Variants in SBF2 observed in about 807,000 individuals in gnomAD.
SBF2 encodes the protein myotubularin-related protein 13.
A neutral mutation model predicts 225.2 loss-of-function variants in SBF2; 112 were observed. The observed-to-expected ratio is 0.50, with a 90% CI of 0.43 to 0.58. The LOEUF (loss-of-function observed/expected upper bound fraction) is 0.58, where lower values mean the gene tolerates loss of function less well. Among genes scored for constraint, SBF2 ranks in the 20% least tolerant of loss-of-function variants. The probability of loss-of-function intolerance (pLI) is 0.00; values close to 1 mark genes in which losing one functional copy is unlikely to be tolerated. For missense variants in SBF2, 1,996 were observed against 2,206.2 expected, an observed-to-expected ratio of 0.90 and a Z score of 1.91; for synonymous variants, 763 against 773.3, an observed-to-expected ratio of 0.99 and a Z score of 0.22.
intron 3 of SBF2, among the ~76,000 whole-genome samples, chr11:10,037,022 T>C (rs768882286): frequency 1.7e-4 from 26 of 152,218 alleles, no homozygotes; most frequent in Non-Finnish European, 2.8e-4. Context: ...TAAAGTCTTA[T>C]ATCATTTTAA....
chr11:10,273,140 T>G (rs796623586), intron 1 of SBF2, among the ~76,000 whole-genome samples: 1 of 152,146 alleles, frequency 6.6e-6, no homozygotes, highest in Admixed American at 6.5e-5. Context: ...TTTTGTAACA[T>G]GTAAATAGAA....
chr11:9,932,956 G>GAA (rs1590510467), intron 16 of SBF2, among the ~76,000 whole-genome samples: 1 of 5,376 alleles, frequency 1.9e-4, no homozygotes, highest in East Asian at 8.9e-3. Flanking sequence ...CAAACGAAAA[G>GAA]CAAAAAAAAA....
Position 10,239,332 on chromosome 11 carries a change from T to C in SBF2, c.56-45345A>G, listed in dbSNP as rs921944571. ...CTAAAACCAATAAGACTAAGATAAA[T>C]AGAAAATTGCCATATACTTGGAAAT... is the stretch of plus-strand genomic sequence containing the variant. On this transcript the variant is annotated intron_variant, in intron 1 of 39. Transcript: ENST00000256190. Among the ~76,000 whole-genome samples the C allele has an allele frequency of 2.7e-5, 4 of 150,626 alleles. 1 individual carries two copies. Among genetic ancestry groups the C allele is most frequent in the Non-Finnish European group, 5.9e-5 (4 of 67,400 alleles).
intron 3 of SBF2, 91 bp from the exon 4 acceptor site, chr11:10,031,261 T>C (rs914419394): frequency 8.3e-6 from 10 of 1,210,364 alleles, no homozygotes; most frequent in East Asian, 4.8e-5. Context: ...ATATAACTTA[T>C]GCAAATTCAA....
intron 21 of SBF2, among the ~76,000 whole-genome samples, chr11:9,850,829 T>C (rs1382571051): frequency 2.0e-5 from 3 of 152,160 alleles, no homozygotes; most frequent in Non-Finnish European, 4.4e-5. Context: ...GATCTATATG[T>C]GTTAACATGG....
intron 36 of SBF2, among the ~76,000 whole-genome samples, chr11:9,786,525 A>G (rs1208269050): frequency 1.3e-5 from 2 of 152,130 alleles, no homozygotes; most frequent in Non-Finnish European, 2.9e-5. Flanking sequence ...TTCTTTTTTT[A>G]CCACAAAGGT....
intron 1 of SBF2, among the ~76,000 whole-genome samples, chr11:10,285,574 C>T (rs1336600648): frequency 6.6e-6 from 1 of 152,116 alleles, no homozygotes; most frequent in Non-Finnish European, 1.5e-5. Flanking sequence ...ATAGGGTGTA[C>T]ACCAAGTAAA....
intron 1 of SBF2, among the ~76,000 whole-genome samples, chr11:10,196,457 G>A (rs529860357): frequency 3.3e-5 from 5 of 152,022 alleles, no homozygotes; most frequent in East Asian, 1.9e-4. Flanking sequence ...ATCGCTCACC[G>A]CAGCCTTGAC....
At chr11:9,961,289 C>T (rs1211601230) in intron 16 of SBF2, 2 of 152,158 alleles carry the variant, frequency 1.3e-5, no homozygotes, top group Non-Finnish European at 1.5e-5. Context: ...TGGAGTCCCA[C>T]GGATGATCTT....
At chr11:10,242,910 A>C (rs1030104847) in intron 1 of SBF2, among the ~76,000 whole-genome samples, 11 of 152,232 alleles carry the variant, frequency 7.2e-5, no homozygotes, top group African/African-American at 2.4e-4. Flanking sequence ...ACCACTTAAA[A>C]TAATGAACAA....
intron 16 of SBF2, among the ~76,000 whole-genome samples, chr11:9,908,367 T>C (rs367731921): frequency 7.9e-4 from 121 of 152,324 alleles, no homozygotes; most frequent in Non-Finnish European, 1.5e-3. Flanking sequence ...GGCTCACGCC[T>C]GTAATCCCAG....
At chr11:10,000,867 T>C (rs755727183) in intron 8 of SBF2, 47 bp downstream of exon 8, 2 of 984,478 alleles carry the variant, frequency 2.0e-6, no homozygotes, top group Non-Finnish European at 3.3e-6. Flanking sequence ...AGAAATATGA[T>C]AAACTTCTGG....
At chr11:9,935,621 G>A (rs2134275352) in intron 16 of SBF2, among the ~76,000 whole-genome samples, 1 of 152,208 alleles carries the variant, frequency 6.6e-6, no homozygotes, top group East Asian at 1.9e-4. Context: ...ATAGACCAAT[G>A]GAACAGAACA....
intron 36 of SBF2, among the ~76,000 whole-genome samples, chr11:9,786,851 T>A (rs1239200521): frequency 2.0e-5 from 3 of 152,112 alleles, no homozygotes; most frequent in Admixed American, 2.0e-4. Context: ...AAATAGGAAA[T>A]GGGGTATGAG....
At chr11:10,072,128 C>T (rs1356274450) in intron 2 of SBF2, among the ~76,000 whole-genome samples, 1 of 152,148 alleles carries the variant, frequency 6.6e-6, no homozygotes, top group Non-Finnish European at 1.5e-5. Flanking sequence ...CAATGAAACC[C>T]ATTTACCCTT....
At chr11:9,862,259 G>C (rs1857815187) in intron 17 of SBF2, among the ~76,000 whole-genome samples, 1 of 152,334 alleles carries the variant, frequency 6.6e-6, no homozygotes, top group East Asian at 1.9e-4. Flanking sequence ...GGAGCACTGT[G>C]TCCCTCAGTG....
chr11:9,880,609 C>T (rs1403644306), intron 17 of SBF2, among the ~76,000 whole-genome samples: 2 of 152,144 alleles, frequency 1.3e-5, no homozygotes, highest in Non-Finnish European at 2.9e-5. Context: ...GTTGCTCTAA[C>T]CCCTCATCTT....
intron 2 of SBF2, among the ~76,000 whole-genome samples, chr11:10,103,832 G>A (rs1002529982): frequency 6.6e-6 from 1 of 152,150 alleles, no homozygotes; most frequent in Non-Finnish European, 1.5e-5. Context: ...TATAATCCCA[G>A]CACTTTGGGA....
Position 10,293,078 on chromosome 11 carries a change from G to C in SBF2, c.55+937C>G, listed in dbSNP as rs549825077. Among the ~76,000 whole-genome samples the C allele has an allele frequency of 3.3e-5, 5 of 152,310 alleles. No homozygotes were observed. In the South Asian group the frequency reaches 8.3e-4, roughly 25 times the overall value. ...TGAAAAATGAAGGGGCTGTAGAGCT[G>C]ATATCTCAAATTCCTTGCAAATGTG... On this transcript the variant is annotated intron_variant, in intron 1 of 39. Transcript: ENST00000256190.
Sources: gnomAD v4.1 joint callset for allele counts (sites outside exome capture counted in the v4.1 genomes callset) on GRCh38, gnomAD v4.1.1 for gene constraint, MANE v1.5 for transcripts, NCBI Gene and HGNC (gene_info 2026-07-23, HGNC 2026-07-21) for gene names.